Variants in IDE observed in about 807,000 individuals in gnomAD.
IDE encodes the protein insulin degrading enzyme.
IDE carries 58 observed loss-of-function variants against 133.2 expected under a neutral mutation model. The observed-to-expected ratio is 0.44, with a 90% confidence interval of 0.35 to 0.54. The LOEUF (loss-of-function observed/expected upper bound fraction) is 0.54. Ranked by LOEUF, IDE falls within the 20% of genes least tolerant of loss-of-function variation. The pLI, the probability that IDE is intolerant of heterozygous loss-of-function variation, is 0.00. For missense variants in IDE, 981 were observed against 1,234.0 expected (o/e 0.79, Z 3.07); for synonymous variants, 396 against 421.3 (o/e 0.94, Z 0.73).
intron 15 of IDE, among the ~76,000 whole-genome samples, chr10:92,477,916 G>A (rs570039075): frequency 2.7e-4 from 41 of 151,550 alleles, no homozygotes; most frequent in African/African-American, 9.2e-4. Context: ...TTTATGTGAA[G>A]AAAAAAAAGT....
chr10:92,562,935 T>C lies in IDE; in HGVS notation c.98+10987A>G, dbSNP rs1399123287. On this transcript the variant is annotated intron_variant, in intron 1 of 24. Coordinates refer to ENST00000265986, the MANE Select transcript of IDE (RefSeq NM_004969.4). ...CGGGTGGATCATCTGAAGTCAGGAG[T>C]TCAAGACCAGCCTGGTCAACATGGT... 6.6e-5 allele frequency among the ~76,000 whole-genome samples: 10 copies of C among 151,630 alleles called. No homozygotes were observed. In the East Asian group the frequency reaches 2.0e-3, roughly 30 times the overall value.
intron 11 of IDE, 132 bp from the exon 12 acceptor site, chr10:92,490,727 G>A: frequency 1.6e-6 from 1 of 628,518 alleles, no homozygotes; most frequent in Non-Finnish European, 2.8e-6. Flanking sequence ...AGCAAATCCT[G>A]TAAGGCTTAG....
At chr10:92,546,916 A>G (rs1842555066) in intron 1 of IDE, among the ~76,000 whole-genome samples, 1 of 152,234 alleles carries the variant, frequency 6.6e-6, no homozygotes. Flanking sequence ...CTTCTAATTC[A>G]GGATTTGAAT....
At chr10:92,551,674 AACAG>A (rs1384240081) in intron 1 of IDE, among the ~76,000 whole-genome samples, 1 of 152,124 alleles carries the variant, frequency 6.6e-6, no homozygotes, top group South Asian at 2.1e-4. Flanking sequence ...ACAGACAGAA[AACAG>A]ACAGGTGGTT....
At chr10:92,504,718 C>A in intron 11 of IDE, 76 bp downstream of exon 11, 1 of 779,402 alleles carries the variant, frequency 1.3e-6, no homozygotes, top group South Asian at 1.5e-5. Context: ...ATTTTATTCA[C>A]AATTTCAAAT....
intron 2 of IDE, 96 bp from the exon 3 acceptor site, chr10:92,534,881 A>G: frequency 1.2e-6 from 1 of 811,740 alleles, no homozygotes. Context: ...GACAACTCCA[A>G]CTATATAATC....
intron 15 of IDE, chr10:92,478,794 C>T (rs1226038419): frequency 5.8e-6 from 7 of 1,201,806 alleles, no homozygotes; most frequent in Non-Finnish European, 7.4e-6. Context: ...TAGCGACTAA[C>T]AAAAAGAAAA....
intron 1 of IDE, among the ~76,000 whole-genome samples, chr10:92,540,367 ATAAAT>A (rs1181121935): frequency 4.6e-5 from 7 of 152,260 alleles, no homozygotes; most frequent in Non-Finnish European, 5.9e-5. Flanking sequence ...TGAGTTCAAT[ATAAAT>A]TAAACTATTT....
chr10:92,493,329 T>A (rs1847476348), intron 11 of IDE, among the ~76,000 whole-genome samples: 1 of 151,998 alleles, frequency 6.6e-6, no homozygotes, highest in Non-Finnish European at 1.5e-5. Context: ...TTCTAAAAAA[T>A]ATACTAAGTA....
chr10:92,510,293 C>G, intron 5 of IDE, 131 bp from the exon 6 acceptor site: 2 of 450,198 alleles, frequency 4.4e-6, no homozygotes, highest in South Asian at 5.4e-5. Flanking sequence ...GATTACACCT[C>G]ACACCTATCT....
At chr10:92,459,970 C>T (rs1845277389) in intron 22 of IDE, among the ~76,000 whole-genome samples, 1 of 151,826 alleles carries the variant, frequency 6.6e-6, no homozygotes, top group Non-Finnish European at 1.5e-5. Context: ...GCTGGGATTA[C>T]AGGCACCCGC....
At position 92,487,226 on chromosome 10, in the gene IDE, T is replaced by C. The variant is rs2135444706; in HGVS notation, c.1626A>G (p.Lys542=). Residue 542 remains lysine, a synonymous_variant, in exon 13 of 25, where the codon AAA becomes AAG. Coordinates refer to ENST00000265986, the MANE Select transcript of IDE (RefSeq NM_004969.4). ...TAAGAGCAGGGTATGGTGTCGCCTC[T>C]TTTTCTAACGGTAAAATCTCAAAAT... is the stretch of plus-strand genomic sequence containing the variant. The part of the protein sequence containing the change: ...PTNFEILPLE[K]EATPYPALIK... 2 of 1,613,544 alleles carry C rather than the reference T, an allele frequency of 1.2e-6. No homozygotes were observed. Among genetic ancestry groups the C allele is most frequent in the East Asian group, 4.5e-5 (2 of 44,834 alleles).
At chr10:92,513,342 G>A (rs1193883050) in intron 5 of IDE, among the ~76,000 whole-genome samples, 1 of 152,042 alleles carries the variant, frequency 6.6e-6, no homozygotes, top group Non-Finnish European at 1.5e-5. Flanking sequence ...ACAGGTGCCC[G>A]CCACCATGCC....
chr10:92,472,287 G>C (rs1182980054), intron 17 of IDE, among the ~76,000 whole-genome samples: 1 of 152,148 alleles, frequency 6.6e-6, no homozygotes, highest in African/African-American at 2.4e-5. Context: ...TTCTAACGAA[G>C]GGTGAATAAA....
At chr10:92,493,093 T>A (rs1463230230) in intron 11 of IDE, among the ~76,000 whole-genome samples, 2 of 152,204 alleles carry the variant, frequency 1.3e-5, no homozygotes, top group African/African-American at 2.4e-5. Flanking sequence ...ATAAAAGAGT[T>A]CTATTATTGC....
chr10:92,538,426 G>A (rs1842129455), intron 1 of IDE, among the ~76,000 whole-genome samples: 1 of 152,222 alleles, frequency 6.6e-6, no homozygotes, highest in African/African-American at 2.4e-5. Flanking sequence ...GACCGGTGCT[G>A]TCCTATGACG....
intron 11 of IDE, among the ~76,000 whole-genome samples, chr10:92,500,310 A>C (rs1208337579): frequency 1.3e-5 from 2 of 151,844 alleles, no homozygotes; most frequent in East Asian, 1.9e-4. Flanking sequence ...AAAAAAAAAA[A>C]CCCCAACTGA....
chr10:92,565,947 G>A (rs1333337837), intron 1 of IDE, among the ~76,000 whole-genome samples: 3 of 151,706 alleles, frequency 2.0e-5, no homozygotes, highest in African/African-American at 7.3e-5. Flanking sequence ...CCACTTACTA[G>A]CTGTGTATCC....
chr10:92,570,219 T>A (rs941771671), intron 1 of IDE, among the ~76,000 whole-genome samples: 2 of 152,190 alleles, frequency 1.3e-5, no homozygotes, highest in African/African-American at 4.8e-5. Flanking sequence ...AGTATGGTGA[T>A]AAAATACTAA....
Sources: gnomAD v4.1 joint callset for allele counts (sites outside exome capture counted in the v4.1 genomes callset) on GRCh38, gnomAD v4.1.1 for gene constraint, MANE v1.5 for transcripts, NCBI Gene and HGNC (gene_info 2026-07-23, HGNC 2026-07-21) for gene names.